CEP85L: variants seen among roughly 807,000 people sequenced by gnomAD.
CEP85L encodes the protein centrosomal protein of 85 kDa-like.
A neutral mutation model predicts 100.3 loss-of-function variants in CEP85L; 60 were observed. That is an observed-to-expected ratio of 0.60 (90% CI 0.49 to 0.74). The LOEUF (loss-of-function observed/expected upper bound fraction) is 0.74. CEP85L is among the 30% of genes least tolerant of loss of function. The pLI is 0.00. For synonymous variants in CEP85L, 319 were observed against 322.7 expected (o/e 0.99, Z 0.12); for missense variants, 973 against 936.2 (o/e 1.04, Z -0.51).
chr6:118,602,935 C>T (rs2115183598), intron 2 of CEP85L, among the ~76,000 whole-genome samples: 1 of 152,196 alleles, frequency 6.6e-6, no homozygotes, highest in South Asian at 2.1e-4. Context: ...ATTCTCCTAC[C>T]TCAACCTTCT....
intron 3 of CEP85L, among the ~76,000 whole-genome samples, chr6:118,539,617 C>T (rs1014696492): frequency 3.3e-5 from 5 of 151,664 alleles, no homozygotes; most frequent in Admixed American, 1.3e-4. Context: ...TTTTAAGTTC[C>T]GGGATACATG....
At chr6:118,646,354 T>C (rs1203914859) in intron 1 of CEP85L, among the ~76,000 whole-genome samples, 4 of 151,922 alleles carry the variant, frequency 2.6e-5, no homozygotes, top group African/African-American at 9.7e-5. Context: ...ATAGTAATAA[T>C]AATAATGAAT....
At position 118,596,600 on chromosome 6, in the gene CEP85L, T is replaced by C. The variant is rs1167503750; in HGVS notation, c.233-30284A>G. Among the ~76,000 whole-genome samples, 3 of 152,166 alleles carry C rather than the reference T, an allele frequency of 2.0e-5. No individual in the cohort carries two copies. In the South Asian group the frequency reaches 6.2e-4, roughly 32 times the overall value. On this transcript the variant is annotated intron_variant, in intron 2 of 12. Coordinates refer to ENST00000368491, the MANE Select transcript of CEP85L (RefSeq NM_001042475.3). ...ACACATAGCAGGCTTTCCTTCTAAA[T>C]AGTCTTTATTATGCCTGCTAAAACT... is the stretch of plus-strand genomic sequence containing the variant.
At chr6:118,503,129 C>T (rs936021587) in intron 5 of CEP85L, among the ~76,000 whole-genome samples, 1 of 152,124 alleles carries the variant, frequency 6.6e-6, no homozygotes, top group African/African-American at 2.4e-5. Flanking sequence ...AAAAGTCAAT[C>T]ATTTTTCAGT....
chr6:118,601,916 T>C (rs1182850320), intron 2 of CEP85L, among the ~76,000 whole-genome samples: 2 of 152,212 alleles, frequency 1.3e-5, no homozygotes, highest in Non-Finnish European at 2.9e-5. Flanking sequence ...CTGTAGTTTG[T>C]ACTGACCTCC....
At chr6:118,557,614 G>C (rs1778954197) in intron 3 of CEP85L, among the ~76,000 whole-genome samples, 2 of 152,130 alleles carry the variant, frequency 1.3e-5, no homozygotes, top group Non-Finnish European at 2.9e-5. Flanking sequence ...TGATGGAGTG[G>C]CCTCCTATCC....
chr6:118,574,252 T>C (rs1429886942), intron 2 of CEP85L, among the ~76,000 whole-genome samples: 3 of 152,204 alleles, frequency 2.0e-5, no homozygotes, highest in Non-Finnish European at 4.4e-5. Flanking sequence ...CTTAGCAAAT[T>C]GCATGTTCAC....
At chr6:118,592,086 CT>C (rs1271076465) in intron 2 of CEP85L, among the ~76,000 whole-genome samples, 1 of 152,188 alleles carries the variant, frequency 6.6e-6, no homozygotes, top group Non-Finnish European at 1.5e-5. Flanking sequence ...GGTTAAATTA[CT>C]TGACCAAGAA....
intron 5 of CEP85L, among the ~76,000 whole-genome samples, chr6:118,499,323 A>G (rs187174040): frequency 1.4e-4 from 22 of 152,356 alleles, no homozygotes; most frequent in African/African-American, 5.0e-4. Context: ...AATCATGATT[A>G]TGTCAAATCC....
At chr6:118,569,754 C>T (rs1726922445) in intron 2 of CEP85L, among the ~76,000 whole-genome samples, 1 of 151,170 alleles carries the variant, frequency 6.6e-6, no homozygotes, top group Admixed American at 6.6e-5. Context: ...GCTAAATACC[C>T]ATACATATAA....
intron 1 of CEP85L, among the ~76,000 whole-genome samples, chr6:118,648,207 T>A (rs1775326075): frequency 6.6e-6 from 1 of 152,136 alleles, no homozygotes; most frequent in Non-Finnish European, 1.5e-5. Flanking sequence ...TGATCCAAGA[T>A]CGCACCACTG....
At chr6:118,489,271 C>CATAA (rs1554204828) in intron 6 of CEP85L, among the ~76,000 whole-genome samples, 17 of 127,350 alleles carry the variant, frequency 1.3e-4, no homozygotes, top group African/African-American at 4.7e-4. Flanking sequence ...AGCTCTGTCT[C>CATAA]AAAAAAAAAA....
chr6:118,565,338 GTTAA>G, intron 3 of CEP85L, 187 bp downstream of exon 3: 2 of 601,814 alleles, frequency 3.3e-6, no homozygotes, highest in Non-Finnish European at 2.9e-6. Context: ...AGATTTTCAT[GTTAA>G]TTAGTCTCAA....
chr6:118,527,002 C>CTTTTTTTT lies in CEP85L; in HGVS notation c.1021-3090_1021-3083dup, dbSNP rs764883723. ...CCACTGTTTCATTCCTTTACTTTTT[C>CTTTTTTTT]TTTTTTTTTTTTTTTTTTTTTTTTT... is the stretch of plus-strand genomic sequence containing the variant. On this transcript the variant is annotated intron_variant, in intron 3 of 12. Coordinates refer to ENST00000368491, the MANE Select transcript of CEP85L (RefSeq NM_001042475.3). 4.5e-3 allele frequency among the ~76,000 whole-genome samples: 448 copies of CTTTTTTTT among 98,670 alleles called. 3 individuals carry two copies. The highest frequency in any genetic ancestry group is 5.8e-3 in the African/African-American group (143 of 24,582). The allele number at this position is 98,670 out of a possible 152,430, so 64.7% of individuals were successfully genotyped here.
intron 2 of CEP85L, among the ~76,000 whole-genome samples, chr6:118,626,649 G>T (rs1022316142): frequency 3.3e-5 from 5 of 152,100 alleles, no homozygotes; most frequent in African/African-American, 1.2e-4. Context: ...ACCCATTTGG[G>T]ACCCCTTCCA....
chr6:118,518,549 T>C (rs773428581), intron 4 of CEP85L, among the ~76,000 whole-genome samples: 3 of 152,244 alleles, frequency 2.0e-5, no homozygotes, highest in Non-Finnish European at 4.4e-5. Context: ...TGATAGTAGT[T>C]TGTAATTCTG....
rs1220418612 is a variant in CEP85L, at chr6:118,470,553, G to A, written c.2006C>T (p.Thr669Ile). 3 of 1,589,148 alleles carry A rather than the reference G, an allele frequency of 1.9e-6. No individual in the cohort carries two copies. Among genetic ancestry groups the A allele is most frequent in the South Asian group, 1.2e-5 (1 of 86,790 alleles). Residue 669 changes from threonine to isoleucine, a missense_variant, in exon 11 of 13, where the codon ACA becomes ATA. Physicochemically the swap from Thr to Ile is moderately conservative, Grantham distance 89. Around this residue, in one of 3 missense-constraint regions of CEP85L, gnomAD observed 890 missense variants for 844.5 expected, o/e 1.05. Transcript: ENST00000368491. ...TCTACTCACTTCAAGCAATGCTTTT[G>A]TTAATCTCTGTACATTTCTTTCTTT... ...EKKERNVQRLTKALLENQRQT... is the reference protein window; with the variant it reads ...EKKERNVQRLIKALLENQRQT...
chr6:118,606,999 T>C (rs555856780), intron 2 of CEP85L, among the ~76,000 whole-genome samples: 181 of 152,272 alleles, frequency 1.2e-3, no homozygotes, highest in Non-Finnish European at 2.1e-3. Context: ...TGGGTTCCCT[T>C]TCCCTGAGCA....
intron 2 of CEP85L, among the ~76,000 whole-genome samples, chr6:118,594,422 A>G (rs1781355264): frequency 6.6e-6 from 1 of 152,218 alleles, no homozygotes; most frequent in African/African-American, 2.4e-5. Context: ...CCCTATTTAA[A>G]ATAAAATAGG....
Sources: allele counts gnomAD v4.1 joint callset (sites outside exome capture counted in the v4.1 genomes callset), GRCh38; gene constraint gnomAD v4.1.1; regional missense constraint gnomAD v4.1.1; transcripts MANE v1.5; gene names NCBI Gene and HGNC (gene_info 2026-07-23, HGNC 2026-07-21).